The following SLC30A6 variants were observed in gnomAD, a reference collection of about 807,000 sequenced individuals.
SLC30A6 encodes solute carrier family 30 member 6.
Under a neutral mutation model 63.0 loss-of-function variants are expected in SLC30A6, and 55 were observed. That is an observed-to-expected ratio of 0.87 (90% CI 0.70 to 1.09). SLC30A6 has a LOEUF of 1.09. Among genes scored for constraint, SLC30A6 ranks in the 50% least tolerant of loss-of-function variants. The pLI, the probability that SLC30A6 is intolerant of heterozygous loss-of-function variation, is 0.00. For synonymous variants in SLC30A6, 224 were observed against 186.1 expected (o/e 1.20, Z -1.66); for missense variants, 587 against 549.2 (o/e 1.07, Z -0.69).
chr2:32,199,632 A>G (rs1276048335), intron 10 of SLC30A6, among the ~76,000 whole-genome samples: 4 of 152,136 alleles, frequency 2.6e-5, no homozygotes, highest in African/African-American at 7.2e-5. Flanking sequence ...TTTGCTATCA[A>G]ATAGTAGATT....
At chr2:32,202,655 C>T (rs1053151712) in intron 10 of SLC30A6, 3 of 602,558 alleles carry the variant, frequency 5.0e-6, no homozygotes, top group Non-Finnish European at 9.4e-6. Flanking sequence ...CTAAACTGTG[C>T]CATGTTGTGC....
intron 1 of SLC30A6, among the ~76,000 whole-genome samples, chr2:32,167,663 A>AACAC (rs113548357): frequency 4.9e-4 from 74 of 150,748 alleles, no homozygotes; most frequent in African/African-American, 1.4e-3. Context: ...TATATGCACA[A>AACAC]ACACACACAC....
At chr2:32,173,384 T>TC (rs1681411657) in intron 2 of SLC30A6, among the ~76,000 whole-genome samples, 1 of 152,008 alleles carries the variant, frequency 6.6e-6, no homozygotes, top group African/African-American at 2.4e-5. Context: ...ACTTTTTTTT[T>TC]TTTTTTTGAG....
chr2:32,215,516 A>ATATATATATATATATATATATTTTTTTTT (rs757005665), intron 13 of SLC30A6, among the ~76,000 whole-genome samples: 1 of 132,504 alleles, frequency 7.5e-6, no homozygotes, highest in African/African-American at 2.8e-5. Flanking sequence ...ATATATATAT[A>ATATATATATATATATATATATTTTTTTTT]TTTTTTTTTT....
chr2:32,205,964 C>T (rs1255222849), intron 11 of SLC30A6, among the ~76,000 whole-genome samples: 6 of 151,650 alleles, frequency 4.0e-5, no homozygotes, highest in African/African-American at 9.7e-5. Context: ...CCACTGCACC[C>T]GGCCTGAAAT....
At chr2:32,167,663 A>C (rs1680805887) in intron 1 of SLC30A6, among the ~76,000 whole-genome samples, 1 of 150,660 alleles carries the variant, frequency 6.6e-6, no homozygotes, top group African/African-American at 2.4e-5. Flanking sequence ...TATATGCACA[A>C]ACACACACAC....
At position 32,220,203 on chromosome 2, in the gene SLC30A6, C is replaced by T; in HGVS notation, c.886-10C>T. On this transcript the variant is annotated splice_polypyrimidine_tract_variant and intron_variant, in intron 13 of 13. Transcript: ENST00000282587. ...AAGCAATCTCTTTGTTATGATTTTGCCCCTTTTAGGCTGGATCAGTGCATG... is the reference window on the plus strand; with the variant it reads ...AAGCAATCTCTTTGTTATGATTTTGTCCCTTTTAGGCTGGATCAGTGCATG... 1 of 1,596,308 alleles carries T rather than the reference C, an allele frequency of 6.3e-7. No homozygotes were observed. Among genetic ancestry groups the T allele is most frequent in the Admixed American group, 1.7e-5 (1 of 58,348 alleles).
chr2:32,214,159 ACTCCTGAT>A (rs1685507641), intron 13 of SLC30A6, among the ~76,000 whole-genome samples: 1 of 151,864 alleles, frequency 6.6e-6, no homozygotes, highest in Non-Finnish European at 1.5e-5. Context: ...CTGGTCTCGA[ACTCCTGAT>A]CTTGTGATCT....
At chr2:32,183,656 C>T (rs575855558) in intron 4 of SLC30A6, among the ~76,000 whole-genome samples, 1 of 149,804 alleles carries the variant, frequency 6.7e-6, no homozygotes, top group Non-Finnish European at 1.5e-5. Context: ...CTACTGCACT[C>T]CAGCCTGGGC....
At chr2:32,177,503 G>A (rs547405582) in intron 4 of SLC30A6, 4 of 246,176 alleles carry the variant, frequency 1.6e-5, no homozygotes, top group African/African-American at 7.0e-5. Flanking sequence ...TTTTGGCTGG[G>A]CTGGTCTCAA....
rs1490480133 is a variant in SLC30A6 at position 32,203,710 on chromosome 2, A to G, written c.666-880A>G. On this transcript the variant is annotated intron_variant, in intron 10 of 13. Transcript: ENST00000282587. ...TGTGCGTGTTTGCTTTGATGTTCCT[A>G]CAACTAAGTCAGAAAGGTTACAGGC... 9 of 1,533,778 alleles carry G rather than the reference A, an allele frequency of 5.9e-6. No homozygotes were observed. The East Asian group carries it at 9.0e-5, about 15-fold the overall frequency.
chr2:32,197,128 G>T (rs1289755216), intron 8 of SLC30A6, among the ~76,000 whole-genome samples: 1 of 152,062 alleles, frequency 6.6e-6, no homozygotes, highest in East Asian at 1.9e-4. Flanking sequence ...ATTCCTTCAG[G>T]TCAACTGTAT....
At chr2:32,200,108 T>G (rs141203902) in intron 10 of SLC30A6, among the ~76,000 whole-genome samples, 9 of 151,770 alleles carry the variant, frequency 5.9e-5, no homozygotes, top group Non-Finnish European at 1.0e-4. Flanking sequence ...ATATAAAATA[T>G]GTGTTGATAT....
intron 8 of SLC30A6, among the ~76,000 whole-genome samples, chr2:32,195,144 G>C (rs1447181985): frequency 1.5e-5 from 2 of 131,366 alleles, no homozygotes; most frequent in Non-Finnish European, 3.1e-5. Flanking sequence ...CTCTTGCCCA[G>C]GCTGGAGTGC....
chr2:32,199,688 A>G (rs1251649223), intron 10 of SLC30A6, among the ~76,000 whole-genome samples: 2 of 152,066 alleles, frequency 1.3e-5, no homozygotes, highest in African/African-American at 4.8e-5. Flanking sequence ...CATCCCCCAC[A>G]TCCCCCCAAT....
At chr2:32,200,825 A>G (rs1684222887) in intron 10 of SLC30A6, among the ~76,000 whole-genome samples, 1 of 119,320 alleles carries the variant, frequency 8.4e-6, no homozygotes, top group Non-Finnish European at 1.8e-5. Flanking sequence ...CCCAAGAATG[A>G]TCAATAAAGA....
chr2:32,204,096 G>A, intron 10 of SLC30A6: 1 of 467,450 alleles, frequency 2.1e-6, no homozygotes, highest in South Asian at 3.2e-5. Context: ...TGAGGTATGT[G>A]TCTGCTATTT....
At chr2:32,175,202 C>A in intron 3 of SLC30A6, 117 bp from the exon 4 acceptor site, 2 of 845,874 alleles carry the variant, frequency 2.4e-6, no homozygotes, top group East Asian at 2.6e-5. Context: ...GAGGTTGGCC[C>A]GTGACTCAAA....
chr2:32,174,025 C>T, intron 2 of SLC30A6, 38 bp from the exon 3 acceptor site: 1 of 1,491,086 alleles, frequency 6.7e-7, no homozygotes. Context: ...TGAAATTTAT[C>T]ACTTCTGTAC....
Sources: allele counts gnomAD v4.1 joint callset (sites outside exome capture counted in the v4.1 genomes callset), GRCh38; gene constraint gnomAD v4.1.1; transcripts MANE v1.5; gene names NCBI Gene and HGNC (gene_info 2026-07-23, HGNC 2026-07-21).